Variants in PTPRT observed in about 807,000 individuals in gnomAD.
PTPRT encodes the protein receptor-type tyrosine-protein phosphatase T.
A neutral mutation model predicts 176.8 loss-of-function variants in PTPRT; 56 were observed. The ratio of observed to expected loss-of-function variants is 0.32; its 90% CI spans 0.26 to 0.40. PTPRT has a LOEUF of 0.40. Ranked by LOEUF, PTPRT falls within the 10% of genes least tolerant of loss-of-function variation. PTPRT has a pLI of 1.00. For synonymous variants in PTPRT, 783 were observed against 739.0 expected (o/e 1.06, Z -0.96); for missense variants, 1,540 against 1,908.2 (o/e 0.81, Z 3.60).
Position 42,855,429 on chromosome 20 carries a change from CTTTTT to C in PTPRT, c.214+30373_214+30377del, listed in dbSNP as rs555034551. ...GAAAGAAGAGTAATCTATGTTCATG[CTTTTT>C]TTTTTTTTTTTTTTTTTGGAGACAG... is the stretch of plus-strand genomic sequence containing the variant. On this transcript the variant is annotated intron_variant, in intron 2 of 30. Coordinates refer to ENST00000373187, the MANE Select transcript of PTPRT (RefSeq NM_007050.6). Among the ~76,000 whole-genome samples the C allele has an allele frequency of 1.1e-4, 13 of 115,700 alleles. No homozygotes were observed. In the South Asian group the frequency reaches 3.5e-3, roughly 31 times the overall value. The allele number at this position is 115,700 out of a possible 152,430, so 75.9% of individuals were successfully genotyped here.
At chr20:42,517,015 C>T (rs1226488856) in intron 7 of PTPRT, among the ~76,000 whole-genome samples, 1 of 151,930 alleles carries the variant, frequency 6.6e-6, no homozygotes. Flanking sequence ...TCATGCTGTC[C>T]TTATCTACTT....
Position 42,209,997 on chromosome 20 carries a change from G to A in PTPRT, c.2343-10609C>T, listed in dbSNP as rs898058277. On this transcript the variant is annotated intron_variant, in intron 15 of 30. Transcript: ENST00000373187. ...GGGATGCAAGGCTGGTTCAATATAC[G>A]CAAATCAATAAATGTAATCCAGCAT... 1.2e-3 allele frequency among the ~76,000 whole-genome samples: 178 copies of A among 152,168 alleles called. 1 individual carries two copies. Among genetic ancestry groups the A allele is most frequent in the African/African-American group, 4.3e-4 (18 of 41,512 alleles).
chr20:42,915,434 G>A (rs1281932720), intron 1 of PTPRT, among the ~76,000 whole-genome samples: 1 of 152,188 alleles, frequency 6.6e-6, no homozygotes, highest in Non-Finnish European at 1.5e-5. Flanking sequence ...CTGCTCTCCT[G>A]GACCGGGAAA....
chr20:42,587,835 T>C (rs928354388), intron 7 of PTPRT, among the ~76,000 whole-genome samples: 4 of 152,236 alleles, frequency 2.6e-5, no homozygotes, highest in Admixed American at 2.6e-4. Flanking sequence ...GAAATCTCAG[T>C]CCCACAGACC....
chr20:42,370,835 G>C (rs1039243359), intron 9 of PTPRT, among the ~76,000 whole-genome samples: 1 of 152,126 alleles, frequency 6.6e-6, no homozygotes, highest in African/African-American at 2.4e-5. Flanking sequence ...CCTGGTTGCT[G>C]TTACTCCCAC....
chr20:42,252,729 T>G (rs551944257), intron 13 of PTPRT, among the ~76,000 whole-genome samples: 3 of 152,270 alleles, frequency 2.0e-5, no homozygotes, highest in South Asian at 4.1e-4. Context: ...GCAACGACCA[T>G]AAACCTACAA....
chr20:42,212,018 A>G (rs2146741244), intron 15 of PTPRT, among the ~76,000 whole-genome samples: 1 of 77,454 alleles, frequency 1.3e-5, no homozygotes, highest in African/African-American at 3.6e-5. Flanking sequence ...GAAACTGGAA[A>G]ACATCATTCT....
chr20:42,352,319 A>G (rs2145526338), intron 9 of PTPRT, 34 bp from the exon 10 acceptor site: 1 of 1,608,054 alleles, frequency 6.2e-7, no homozygotes, highest in African/African-American at 1.3e-5. Context: ...ACAAACAAAT[A>G]AATGCCTCAC....
intron 1 of PTPRT, among the ~76,000 whole-genome samples, chr20:43,161,660 A>G (rs2146441956): frequency 6.6e-6 from 1 of 152,318 alleles, no homozygotes; most frequent in African/African-American, 2.4e-5. Flanking sequence ...AGAGCATCCA[A>G]GCCTGTGCAC....
intron 13 of PTPRT, among the ~76,000 whole-genome samples, chr20:42,276,255 A>G (rs1397085229): frequency 6.6e-6 from 1 of 151,612 alleles, no homozygotes; most frequent in Non-Finnish European, 1.5e-5. Flanking sequence ...CAACCTATCA[A>G]TGGGAAGGTC....
intron 7 of PTPRT, among the ~76,000 whole-genome samples, chr20:42,638,612 A>C (rs2074663772): frequency 6.6e-6 from 1 of 152,142 alleles, no homozygotes; most frequent in Non-Finnish European, 1.5e-5. Context: ...CAGGATATAA[A>C]ATAGTACAAA....
At chr20:42,409,481 CAAAAAAAAAA>C (rs58932390) in intron 9 of PTPRT, among the ~76,000 whole-genome samples, 38 of 112,118 alleles carry the variant, frequency 3.4e-4, no homozygotes, top group African/African-American at 1.0e-3. Flanking sequence ...GACTCTGTCG[CAAAAAAAAAA>C]AAAAAAAAAA....
intron 6 of PTPRT, among the ~76,000 whole-genome samples, chr20:42,679,839 T>C (rs2075572659): frequency 6.6e-6 from 1 of 152,208 alleles, no homozygotes; most frequent in African/African-American, 2.4e-5. Context: ...CATGTTTTGC[T>C]ATGGTAAATA....
At chr20:42,634,930 G>A (rs1022730670) in intron 7 of PTPRT, among the ~76,000 whole-genome samples, 2 of 152,004 alleles carry the variant, frequency 1.3e-5, no homozygotes, top group Admixed American at 6.6e-5. Context: ...CAGTTCCAAA[G>A]CCATTTCCAT....
rs1478631220 is a variant in PTPRT, at chr20:42,515,867, A to G, written c.1154-43305T>C. Among the ~76,000 whole-genome samples the G allele has an allele frequency of 1.3e-5, 2 of 150,442 alleles. 1 individual carries two copies. Among genetic ancestry groups the G allele is most frequent in the Admixed American group, 1.3e-4 (2 of 15,034 alleles). ...TTGGAACCAACCCAAATGTCCAACA[A>G]TGATAGACTGGATTAAGAAAATGTG... On this transcript the variant is annotated intron_variant, in intron 7 of 30. Coordinates refer to ENST00000373187, the MANE Select transcript of PTPRT (RefSeq NM_007050.6).
At chr20:42,351,643 ATGGCAGTCTGTAATTTTGGACTACTG>A (rs1358943228) in intron 10 of PTPRT, among the ~76,000 whole-genome samples, 1 of 152,074 alleles carries the variant, frequency 6.6e-6, no homozygotes, top group Non-Finnish European at 1.5e-5. Context: ...CCTACGGGTG[ATGGCAGTCTGTAATTTTGGACTACTG>A]TGGCCCTATA....
rs183619101 is a variant in PTPRT at position 42,324,424 on chromosome 20, T to C, written c.1866-8428A>G. 3.2e-4 allele frequency among the ~76,000 whole-genome samples: 49 copies of C among 152,254 alleles called. No individual in the cohort carries two copies. In the East Asian group the frequency reaches 8.7e-3, roughly 27 times the overall value. On this transcript the variant is annotated intron_variant, in intron 11 of 30. Transcript: ENST00000373187. ...AGGGGATTTTATGGTGTGATGAAAA[T>C]ATTCTAAAATGGGACTGTGGTGATA...
chr20:42,254,568 G>C (rs2056605369), intron 13 of PTPRT, among the ~76,000 whole-genome samples: 1 of 152,174 alleles, frequency 6.6e-6, no homozygotes, highest in African/African-American at 2.4e-5. Context: ...GTGGAAGGTG[G>C]AGTAGATTTG....
At chr20:42,595,095 C>T (rs990270519) in intron 7 of PTPRT, among the ~76,000 whole-genome samples, 3 of 152,070 alleles carry the variant, frequency 2.0e-5, no homozygotes, top group Non-Finnish European at 2.9e-5. Context: ...CACTCCTGTC[C>T]TCAGCATCGC....
Sources: allele counts gnomAD v4.1 joint callset (sites outside exome capture counted in the v4.1 genomes callset), GRCh38; gene constraint gnomAD v4.1.1; transcripts MANE v1.5; gene names NCBI Gene and HGNC (gene_info 2026-07-23, HGNC 2026-07-21).